Variants in ELP4 observed in about 807,000 individuals in gnomAD.
ELP4 encodes elongator complex protein 4.
In ELP4, 51 loss-of-function variants were observed where a neutral mutation model predicts 48.9. The observed-to-expected ratio is 1.04, with a 90% confidence interval of 0.83 to 1.32. The LOEUF is 1.32. Ranked by LOEUF, ELP4 falls within the 40% of genes most tolerant of loss-of-function variation. The probability of loss-of-function intolerance (pLI) is 0.00; values close to 1 mark genes in which losing one functional copy is unlikely to be tolerated. For synonymous variants in ELP4, 210 were observed against 189.2 expected, an observed-to-expected ratio of 1.11 and a Z score of -0.90; for missense variants, 519 against 514.6, an observed-to-expected ratio of 1.01 and a Z score of -0.08.
chr11:31,571,502 T>C (rs773385651), intron 3 of ELP4, among the ~76,000 whole-genome samples: 3 of 152,226 alleles, frequency 2.0e-5, no homozygotes, highest in Non-Finnish European at 4.4e-5. Flanking sequence ...CCTGTTAATA[T>C]TGATATTTTG....
intron 6 of ELP4, among the ~76,000 whole-genome samples, chr11:31,629,413 A>G (rs914254846): frequency 2.0e-5 from 3 of 151,950 alleles, no homozygotes; most frequent in African/African-American, 7.2e-5. Context: ...TGCAATTACC[A>G]TTATATTTTT....
At chr11:31,546,016 G>A (rs1316041245) in intron 3 of ELP4, among the ~76,000 whole-genome samples, 4 of 152,030 alleles carry the variant, frequency 2.6e-5, no homozygotes, top group Admixed American at 6.6e-5. Context: ...ACCGGTACCA[G>A]CTGCTGCAAA....
chr11:31,512,832 T>C (rs1383478807), intron 1 of ELP4, among the ~76,000 whole-genome samples: 2 of 41,944 alleles, frequency 4.8e-5, no homozygotes, highest in Non-Finnish European at 9.0e-5. Context: ...CCATTCCCTG[T>C]AAAAGGTATA....
chr11:31,663,984 CAAAG>C (rs1282278013), intron 9 of ELP4: 1 of 151,930 alleles, frequency 6.6e-6, no homozygotes, highest in Non-Finnish European at 1.5e-5. Context: ...AACTTCTTTT[CAAAG>C]GTGTTTACGA....
chr11:31,557,164 T>G (rs1956944266), intron 3 of ELP4, among the ~76,000 whole-genome samples: 1 of 151,900 alleles, frequency 6.6e-6, no homozygotes, highest in Admixed American at 6.6e-5. Flanking sequence ...CTAACATCTT[T>G]TAAATTTTTT....
intron 3 of ELP4, among the ~76,000 whole-genome samples, chr11:31,574,903 C>T (rs976951515): frequency 1.3e-5 from 2 of 152,136 alleles, no homozygotes; most frequent in Non-Finnish European, 1.5e-5. Flanking sequence ...TGCAGCTCCT[C>T]GCCAGCAACA....
chr11:31,691,392 T>C (rs1188107871), intron 9 of ELP4, among the ~76,000 whole-genome samples: 1 of 152,078 alleles, frequency 6.6e-6, no homozygotes, highest in African/African-American at 2.4e-5. Context: ...ACCTTTTCAG[T>C]TAGAGGTTGT....
chr11:31,681,240 G>A (rs1441778679), intron 9 of ELP4, among the ~76,000 whole-genome samples: 2 of 152,138 alleles, frequency 1.3e-5, no homozygotes, highest in African/African-American at 4.8e-5. Context: ...TCATCTAACA[G>A]TCATGTATAA....
chr11:31,675,911 A>G (rs1315537868), intron 9 of ELP4, among the ~76,000 whole-genome samples: 1 of 151,960 alleles, frequency 6.6e-6, no homozygotes, highest in African/African-American at 2.4e-5. Context: ...TAAGCCTCCT[A>G]ACTAGATTTC....
rs1300018000 is a variant in ELP4, at chr11:31,790,114, A to AAC, written c.*6591_*6592insCA. On this transcript the variant is annotated 3_prime_UTR_variant, in exon 10 of 10. Coordinates refer to ENST00000640961, the MANE Select transcript of ELP4 (RefSeq NM_019040.5). ...TAGGTTTACAAAAAAAAAAAAAAAA[A>AAC]AAAAAACTAATACTTTCTAACATTT... The AAC allele has an allele frequency of 2.5e-6, 2 of 792,882 alleles. No individual in the cohort carries two copies. The highest frequency in any genetic ancestry group is 1.8e-5 in the African/African-American group (1 of 55,244). The allele number at this position is 792,882 out of a possible 1,614,324, so 49.1% of individuals were successfully genotyped here. A position where few individuals can be genotyped will look rare whatever the true frequency, so the allele number is the denominator to read the frequency against.
chr11:31,619,250 G>A (rs1944563555), intron 5 of ELP4, among the ~76,000 whole-genome samples: 1 of 151,892 alleles, frequency 6.6e-6, no homozygotes, highest in African/African-American at 2.4e-5. Flanking sequence ...ATGGTATGAG[G>A]CCCGTGCACA....
chr11:31,544,572 G>C (rs542150007), intron 3 of ELP4, among the ~76,000 whole-genome samples: 1 of 152,336 alleles, frequency 6.6e-6, no homozygotes, highest in South Asian at 2.1e-4. Flanking sequence ...TCTCGGGGCA[G>C]GGCACAGACA....
chr11:31,774,443 G>A (rs76830276), intron 9 of ELP4, among the ~76,000 whole-genome samples: 6,103 of 152,214 alleles, frequency 0.04, 441 homozygotes, highest in African/African-American at 0.14. Context: ...CAACCCCATG[G>A]GGCCCCAATT....
intron 3 of ELP4, among the ~76,000 whole-genome samples, chr11:31,562,994 T>C (rs985246844): frequency 1.2e-4 from 18 of 152,170 alleles, no homozygotes; most frequent in African/African-American, 3.9e-4. Context: ...AATGAATCAG[T>C]AATATCTTTG....
In ELP4 at chr11:31,728,577, G is replaced by A. The variant is rs191384908; in HGVS notation, c.1144-54816G>A. Among the ~76,000 whole-genome samples, 1,100 of 152,236 alleles carry A rather than the reference G, an allele frequency of 7.2e-3. 17 individuals are homozygous for A. The highest frequency in any genetic ancestry group is 0.03 in the Admixed American group (457 of 15,292). On this transcript the variant is annotated intron_variant, in intron 9 of 9. Transcript: ENST00000640961. ...GCCTGTATCTATATAGATATACAAA[G>A]TAGCATATGCTGCAAAAGCTCTAAG...
intron 3 of ELP4, among the ~76,000 whole-genome samples, chr11:31,567,152 C>T (rs746016134): frequency 4.3e-4 from 65 of 151,928 alleles, no homozygotes; most frequent in Non-Finnish European, 7.2e-4. Flanking sequence ...AGGCTGGTCT[C>T]GAACTCCTAA....
intron 9 of ELP4, among the ~76,000 whole-genome samples, chr11:31,774,519 C>A (rs1948207191): frequency 6.6e-6 from 1 of 152,168 alleles, no homozygotes; most frequent in African/African-American, 2.4e-5. Context: ...CTTGCAGATT[C>A]TATAACTCTA....
intron 9 of ELP4, among the ~76,000 whole-genome samples, chr11:31,760,166 C>T (rs1238451024): frequency 6.6e-6 from 1 of 152,182 alleles, no homozygotes; most frequent in Non-Finnish European, 1.5e-5. Flanking sequence ...AAATTACATA[C>T]CAACTTCTCC....
At chr11:31,753,226 T>A (rs1947765261) in intron 9 of ELP4, among the ~76,000 whole-genome samples, 1 of 152,214 alleles carries the variant, frequency 6.6e-6, no homozygotes, top group Non-Finnish European at 1.5e-5. Context: ...CAAATCACTC[T>A]GTAGAAAAGC....
Sources: allele counts gnomAD v4.1 joint callset (sites outside exome capture counted in the v4.1 genomes callset), GRCh38; gene constraint gnomAD v4.1.1; transcripts MANE v1.5; gene names NCBI Gene and HGNC (gene_info 2026-07-23, HGNC 2026-07-21).